The following GPC6 variants were observed in gnomAD, a reference collection of about 807,000 sequenced individuals.
GPC6 encodes the protein glypican-6.
A neutral mutation model predicts 55.2 loss-of-function variants in GPC6; 14 were observed. The ratio of observed to expected loss-of-function variants is 0.25; its 90% CI spans 0.17 to 0.40. The LOEUF (loss-of-function observed/expected upper bound fraction) is 0.40, where lower values mean the gene tolerates loss of function less well. Ranked by LOEUF, GPC6 falls within the 10% of genes least tolerant of loss-of-function variation. The probability of loss-of-function intolerance (pLI) is 1.00; values close to 1 mark genes in which losing one functional copy is unlikely to be tolerated. For synonymous variants in GPC6, 278 were observed against 259.6 expected (o/e 1.07, Z -0.68); for missense variants, 641 against 708.5 (o/e 0.90, Z 1.08).
chr13:94,271,272 T>C (rs1892000427), intron 4 of GPC6, among the ~76,000 whole-genome samples: 1 of 151,584 alleles, frequency 6.6e-6, no homozygotes, highest in African/African-American at 2.4e-5. Flanking sequence ...ATTACAGGCA[T>C]GAGCCACCGC....
chr13:93,613,163 A>T (rs1878558866), intron 2 of GPC6, among the ~76,000 whole-genome samples: 1 of 152,212 alleles, frequency 6.6e-6, no homozygotes, highest in Non-Finnish European at 1.5e-5. Context: ...TGAAAGTTGC[A>T]TTGGCCCCCT....
intron 6 of GPC6, among the ~76,000 whole-genome samples, chr13:94,339,408 G>A (rs1594184958): frequency 1.3e-5 from 2 of 151,956 alleles, no homozygotes; most frequent in Non-Finnish European, 1.5e-5. Flanking sequence ...CCTAACACCC[G>A]CTGTCATTCA....
intron 1 of GPC6, among the ~76,000 whole-genome samples, chr13:93,526,501 T>C (rs940212532): frequency 2.6e-5 from 4 of 152,116 alleles, no homozygotes; most frequent in Non-Finnish European, 5.9e-5. Context: ...ATGCTATCAA[T>C]ATCTTCCTTG....
intron 2 of GPC6, among the ~76,000 whole-genome samples, chr13:93,671,609 A>AT (rs1555322468): frequency 7.4e-6 from 1 of 134,988 alleles, no homozygotes; most frequent in Non-Finnish European, 1.7e-5. Flanking sequence ...AGGGTTTTTT[A>AT]GGGGTTTTTT....
At chr13:94,293,319 C>G (rs112530663) in intron 5 of GPC6, among the ~76,000 whole-genome samples, 1 of 152,122 alleles carries the variant, frequency 6.6e-6, no homozygotes, top group African/African-American at 2.4e-5. Context: ...GATTGGATTA[C>G]GGGGGCAGTT....
At chr13:93,810,518 G>A (rs1279267977) in intron 2 of GPC6, among the ~76,000 whole-genome samples, 1 of 152,176 alleles carries the variant, frequency 6.6e-6, no homozygotes, top group African/African-American at 2.4e-5. Context: ...TTGAAATTCA[G>A]ATGAAAGGGA....
At chr13:93,682,426 G>A (rs1176589183) in intron 2 of GPC6, among the ~76,000 whole-genome samples, 1 of 152,094 alleles carries the variant, frequency 6.6e-6, no homozygotes, top group African/African-American at 2.4e-5. Flanking sequence ...TCTGGACATA[G>A]CTGCCCTGAA....
intron 2 of GPC6, among the ~76,000 whole-genome samples, chr13:93,750,281 A>G (rs1186956841): frequency 6.6e-6 from 1 of 152,306 alleles, no homozygotes; most frequent in East Asian, 1.9e-4. Flanking sequence ...TGGGAATTCT[A>G]CTTGGCTATT....
intron 3 of GPC6, among the ~76,000 whole-genome samples, chr13:94,013,963 T>C (rs1212218780): frequency 2.0e-5 from 3 of 151,974 alleles, no homozygotes; most frequent in Non-Finnish European, 4.4e-5. Flanking sequence ...TCTGGGGAGG[T>C]TCCTAGTTAA....
chr13:93,774,515 A>G (rs1262124236), intron 2 of GPC6, among the ~76,000 whole-genome samples: 3 of 152,172 alleles, frequency 2.0e-5, no homozygotes, highest in Non-Finnish European at 2.9e-5. Flanking sequence ...CTAGACACTA[A>G]TGACACACTT....
intron 4 of GPC6, among the ~76,000 whole-genome samples, chr13:94,054,388 G>C (rs527489683): frequency 4.8e-4 from 73 of 152,164 alleles, no homozygotes; most frequent in Admixed American, 9.8e-4. Context: ...GTCGCCCGGA[G>C]GGCCTGTTAA....
intron 1 of GPC6, among the ~76,000 whole-genome samples, chr13:93,468,416 A>C (rs1450980698): frequency 6.7e-6 from 1 of 150,078 alleles, no homozygotes; most frequent in Non-Finnish European, 1.5e-5. Context: ...TCATTGTGTA[A>C]AGCATCCTCA....
chr13:93,224,062 C>G (rs1259791604), upstream of GPC6, among the ~76,000 whole-genome samples: 1 of 151,836 alleles, frequency 6.6e-6, no homozygotes, highest in African/African-American at 2.4e-5. Flanking sequence ...CCACACCCGT[C>G]TAATTTTTTG....
intron 4 of GPC6, among the ~76,000 whole-genome samples, chr13:94,207,007 A>G (rs1465255766): frequency 6.6e-6 from 1 of 152,190 alleles, no homozygotes; most frequent in African/African-American, 2.4e-5. Flanking sequence ...TCTCATGACC[A>G]AGTAACAGAT....
intron 1 of GPC6, among the ~76,000 whole-genome samples, chr13:93,454,556 G>C (rs1878364351): frequency 7.1e-6 from 1 of 140,172 alleles, no homozygotes. Context: ...CTAGACACAG[G>C]GTGCTGAGTG....
chr13:93,817,953 A>T (rs1284864551), intron 2 of GPC6, among the ~76,000 whole-genome samples: 7 of 148,016 alleles, frequency 4.7e-5, no homozygotes, highest in African/African-American at 1.7e-4. Flanking sequence ...TATTAGTTAT[A>T]CCTATATATA....
At chr13:94,386,862 C>T (rs12874033) in intron 7 of GPC6, among the ~76,000 whole-genome samples, 14,339 of 152,192 alleles carry the variant, frequency 0.094, 784 homozygotes, top group East Asian at 0.27. Context: ...GCTTGTCTTC[C>T]ATCACCTTAT....
chr13:94,081,748 T>G (rs1885102582), intron 4 of GPC6, among the ~76,000 whole-genome samples: 1 of 152,264 alleles, frequency 6.6e-6, no homozygotes, highest in East Asian at 1.9e-4. Flanking sequence ...GTCCAGGCAC[T>G]GTACAGTAAA....
In GPC6 at chr13:93,626,017, C is replaced by G. The variant is rs1003041596; in HGVS notation, c.319+80596C>G. Among the ~76,000 whole-genome samples, 9 of 151,410 alleles carry G rather than the reference C, an allele frequency of 5.9e-5. No homozygotes were observed. The South Asian group carries it at 8.3e-4, about 14-fold the overall frequency. On this transcript the variant is annotated intron_variant, in intron 2 of 8. Coordinates refer to ENST00000377047, the MANE Select transcript of GPC6 (RefSeq NM_005708.5). ...TTAGAAAGCATGATTTTTTTTTGTTCCATCATGATTGATACATGAGGAGGA... is the reference window on the plus strand; with the variant it reads ...TTAGAAAGCATGATTTTTTTTTGTTGCATCATGATTGATACATGAGGAGGA...
Sources: allele counts gnomAD v4.1 joint callset (sites outside exome capture counted in the v4.1 genomes callset), GRCh38; gene constraint gnomAD v4.1.1; transcripts MANE v1.5; gene names NCBI Gene and HGNC (gene_info 2026-07-23, HGNC 2026-07-21).